SHPRH: variants seen among roughly 807,000 people sequenced by gnomAD.
SHPRH encodes E3 ubiquitin-protein ligase SHPRH.
SHPRH carries 106 observed loss-of-function variants against 202.5 expected under a neutral mutation model. That is an observed-to-expected ratio of 0.52 (90% CI 0.45 to 0.62). The LOEUF (loss-of-function observed/expected upper bound fraction) is 0.62. SHPRH is among the 20% of genes least tolerant of loss of function. The pLI, the probability that SHPRH is intolerant of heterozygous loss-of-function variation, is 0.00. For synonymous variants in SHPRH, 729 were observed against 686.0 expected (o/e 1.06, Z -0.98); for missense variants, 1,710 against 2,020.0 (o/e 0.85, Z 2.94).
intron 14 of SHPRH, among the ~76,000 whole-genome samples, chr6:145,928,457 ACTTT>A (rs1383510517): frequency 2.6e-5 from 4 of 151,854 alleles, no homozygotes; most frequent in Non-Finnish European, 4.4e-5. Context: ...TATCACACAT[ACTTT>A]CTTTTAAAAA....
At chr6:145,887,533 G>GTTTTT (rs1220167063) in intron 29 of SHPRH, among the ~76,000 whole-genome samples, 31 of 131,146 alleles carry the variant, frequency 2.4e-4, no homozygotes, top group East Asian at 4.5e-4. Flanking sequence ...TAACAAGTTT[G>GTTTTT]TTTTTTTTTT....
rs182884103 is a variant in SHPRH, at chr6:145,931,814, C to G, written c.3112+1243G>C. Among the ~76,000 whole-genome samples, 4 of 151,990 alleles carry G rather than the reference C, an allele frequency of 2.6e-5. No homozygotes were observed. The South Asian group carries it at 8.3e-4, about 31-fold the overall frequency. On this transcript the variant is annotated intron_variant, in intron 14 of 29. Transcript: ENST00000275233. ...ATAATCTTACAATATTATACATCCA[C>G]GTCTCCCCACACAGACTTTGTATCA...
rs1247589436 is a variant in SHPRH, at chr6:145,926,331, C to T, written c.3202-35G>A. 4 of 1,569,330 alleles carry T rather than the reference C, an allele frequency of 2.5e-6. No homozygotes were observed. In the East Asian group the frequency reaches 9.0e-5, roughly 35 times the overall value. The stretch of plus-strand genomic sequence containing the variant: ...TATCAAAGGCAGTAATTATGACAGT[C>T]AATGCAGAAGACTCTGAAGAGAACC... On this transcript the variant is annotated intron_variant, in intron 15 of 29. Coordinates refer to ENST00000275233, the MANE Select transcript of SHPRH (RefSeq NM_001042683.3).
In SHPRH at chr6:145,919,342, A is replaced by G. The variant is rs1355067245; in HGVS notation, c.4152+6T>C. On this transcript the variant is annotated splice_donor_region_variant and intron_variant, in intron 22 of 29. Coordinates refer to ENST00000275233, the MANE Select transcript of SHPRH (RefSeq NM_001042683.3). Reference sequence around the variant, plus strand: ...TTCCCTTTTCTGTGATTTACTTGCCAATTACCTCATGTGGTTCAATGATAT... The same window carrying G: ...TTCCCTTTTCTGTGATTTACTTGCCGATTACCTCATGTGGTTCAATGATAT... 1.2e-6 allele frequency: 2 copies of G among 1,612,388 alleles called. No individual in the cohort carries two copies. Among genetic ancestry groups the G allele is most frequent in the African/African-American group, 2.7e-5 (2 of 74,908 alleles).
At chr6:145,873,458 A>G (rs1780147146) in intron 2 of SHPRH, among the ~76,000 whole-genome samples, 1 of 152,178 alleles carries the variant, frequency 6.6e-6, no homozygotes, top group Admixed American at 6.6e-5. Context: ...TCCAGTTAAT[A>G]AGTTCACTTT....
intron 4 of SHPRH, among the ~76,000 whole-genome samples, chr6:145,949,795 C>T (rs1290860367): frequency 6.6e-6 from 1 of 152,062 alleles, no homozygotes; most frequent in African/African-American, 2.4e-5. Context: ...AAATACTCAA[C>T]AGATGACATT....
At chr6:145,933,297 T>G in intron 13 of SHPRH, 119 bp from the exon 14 acceptor site, 100 of 1,434,548 alleles carry the variant, frequency 7.0e-5, no homozygotes, top group Non-Finnish European at 8.3e-5. Context: ...GTGGTATCTC[T>G]AGCATTTTTT....
chr6:145,886,877 TTTC>T, intron 29 of SHPRH, 90 bp from the exon 30 acceptor site: 2 of 1,360,850 alleles, frequency 1.5e-6, no homozygotes, highest in South Asian at 3.5e-5. Context: ...ACACATATTT[TTTC>T]TTAAGTTTTT....
chr6:145,948,558 T>C (rs1012399579), intron 4 of SHPRH, among the ~76,000 whole-genome samples: 1 of 152,058 alleles, frequency 6.6e-6, no homozygotes, highest in Non-Finnish European at 1.5e-5. Context: ...TATTACTCTT[T>C]AGCTCCCTTT....
At chr6:145,923,505 AG>A in intron 18 of SHPRH, 137 bp downstream of exon 18, 2 of 1,086,580 alleles carry the variant, frequency 1.8e-6, no homozygotes, top group East Asian at 2.5e-5. Flanking sequence ...GCTGCAAAAA[AG>A]AAGTATGAAT....
rs1392445152 is a variant in SHPRH at position 145,955,358 on chromosome 6, G to A, written c.-32-4C>T. On this transcript the variant is annotated splice_polypyrimidine_tract_variant and splice_region_variant and intron_variant, in intron 1 of 29. Coordinates refer to ENST00000275233, the MANE Select transcript of SHPRH (RefSeq NM_001042683.3). ...TCTTGGCTGGTAACTGTGAACTCTAGAGGACAAATGAAACAACAGGAGGTA... is the reference window on the plus strand; with the variant it reads ...TCTTGGCTGGTAACTGTGAACTCTAAAGGACAAATGAAACAACAGGAGGTA... 1.3e-6 allele frequency: 2 copies of A among 1,555,216 alleles called. No individual in the cohort carries two copies. The highest frequency in any genetic ancestry group is 1.9e-5 in the Admixed American group (1 of 54,040).
chr6:145,875,328 T>C (rs939923841), intron 2 of SHPRH, among the ~76,000 whole-genome samples: 21 of 152,202 alleles, frequency 1.4e-4, no homozygotes, highest in Admixed American at 1.1e-3. Context: ...CTCAATCTTA[T>C]AATGCATAGG....
intron 9 of SHPRH, among the ~76,000 whole-genome samples, chr6:145,942,145 G>A (rs1786850835): frequency 6.6e-6 from 1 of 152,140 alleles, no homozygotes; most frequent in Admixed American, 6.6e-5. Flanking sequence ...TCACAGAGGA[G>A]TTAAAACCTG....
At chr6:145,893,531 T>C in intron 27 of SHPRH, 138 bp from the exon 28 acceptor site, 1 of 740,384 alleles carries the variant, frequency 1.4e-6, no homozygotes, top group African/African-American at 1.9e-5. Context: ...AATGCAAAAT[T>C]ACCAACTTTA....
intron 14 of SHPRH, among the ~76,000 whole-genome samples, chr6:145,928,121 C>T (rs1785061364): frequency 6.6e-6 from 1 of 151,916 alleles, no homozygotes; most frequent in African/African-American, 2.4e-5. Flanking sequence ...TAGCTCTGCT[C>T]ATTTGTTTTT....
intron 1 of SHPRH, among the ~76,000 whole-genome samples, chr6:145,958,739 A>T (rs1264853831): frequency 6.6e-6 from 1 of 152,230 alleles, no homozygotes; most frequent in Non-Finnish European, 1.5e-5. Flanking sequence ...ATTTTGGTCA[A>T]TGAGGGACCA....
chr6:145,860,860 T>G (rs1779555852), downstream of SHPRH, among the ~76,000 whole-genome samples: 1 of 152,154 alleles, frequency 6.6e-6, no homozygotes, highest in Admixed American at 6.5e-5. Flanking sequence ...TATTGCCAAC[T>G]GATCTTTGAC....
chr6:145,943,814 ATATT>A lies in SHPRH; in HGVS notation c.1579-16_1579-13del. 1.3e-6 allele frequency: 2 copies of A among 1,543,088 alleles called. No homozygotes were observed. The highest frequency in any genetic ancestry group is 2.3e-5 in the East Asian group (1 of 44,348). ...GGACTCCCTACTGCCTATGAAAAAA[ATATT>A]TAATTAATTGATTGCAACTAGTTGC... On this transcript the variant is annotated splice_polypyrimidine_tract_variant and intron_variant, in intron 8 of 29. Coordinates refer to ENST00000275233, the MANE Select transcript of SHPRH (RefSeq NM_001042683.3).
At chr6:145,941,926 A>G in intron 9 of SHPRH, 52 bp from the exon 10 acceptor site, 1 of 1,589,918 alleles carries the variant, frequency 6.3e-7, no homozygotes. Context: ...ACTAAAGGCA[A>G]TGAAATATTC....
Sources: allele counts gnomAD v4.1 joint callset (sites outside exome capture counted in the v4.1 genomes callset), GRCh38; gene constraint gnomAD v4.1.1; transcripts MANE v1.5; gene names NCBI Gene and HGNC (gene_info 2026-07-23, HGNC 2026-07-21).